Variants in MTDH observed in about 807,000 individuals in gnomAD.
The protein encoded by MTDH is protein LYRIC.
A neutral mutation model predicts 72.7 loss-of-function variants in MTDH; 34 were observed. That is an observed-to-expected ratio of 0.47 (90% CI 0.36 to 0.62). The LOEUF is 0.62. Among genes scored for constraint, MTDH ranks in the 20% least tolerant of loss-of-function variants. MTDH has a pLI of 0.00. For missense variants in MTDH, 677 were observed against 699.4 expected, an observed-to-expected ratio of 0.97 and a Z score of 0.36; for synonymous variants, 266 against 268.9, an observed-to-expected ratio of 0.99 and a Z score of 0.10.
At position 97,724,988 on chromosome 8, in the gene MTDH, G is replaced by GTAAA. The variant is rs1815298865; in HGVS notation, c.*318_*319insTAAA. On this transcript the variant is annotated 3_prime_UTR_variant, in exon 12 of 12. Transcript: ENST00000336273. ...CAACAGATTGTGCCCTATCTCATCT[G>GTAAA]CAGCCGAGGAATAAAGGATTCTGAT... 5.7e-6 allele frequency: 1 copy of GTAAA among 176,570 alleles called. No individual in the cohort carries two copies. The highest frequency in any genetic ancestry group is 1.2e-5 in the Non-Finnish European group (1 of 83,626). 10.9% of individuals were successfully genotyped at this position (176,570 alleles called of 1,614,324 possible).
In MTDH at chr8:97,691,285, A is replaced by T. The variant is rs1304514747; in HGVS notation, c.1048+97A>T. 3.6e-6 allele frequency: 3 copies of T among 834,488 alleles called. No homozygotes were observed. In the African/African-American group the frequency reaches 5.2e-5, roughly 14 times the overall value. 51.7% of individuals were successfully genotyped at this position (834,488 alleles called of 1,614,324 possible). A position where few individuals can be genotyped will look rare whatever the true frequency, so the allele number is the denominator to read the frequency against. The stretch of plus-strand genomic sequence containing the variant: ...AGAAAAAAAAACTATGAATAGAAAA[A>T]TAAGTACTGCTCTGCAGAAATAATA... On this transcript the variant is annotated intron_variant, in intron 6 of 11. Coordinates refer to ENST00000336273, the MANE Select transcript of MTDH (RefSeq NM_178812.4).
rs1223310222 is a variant in MTDH at position 97,687,416 on chromosome 8, G to C, written c.569-13G>C. On this transcript the variant is annotated splice_polypyrimidine_tract_variant and intron_variant, in intron 3 of 11. Coordinates refer to ENST00000336273, the MANE Select transcript of MTDH (RefSeq NM_178812.4). ...CCTTACTGAATAACATTTTTTTTCT[G>C]GGGCTATGTCAGGAGCCTGGGAAAC... The C allele has an allele frequency of 6.5e-7, 1 of 1,549,184 alleles. No homozygotes were observed. Among genetic ancestry groups the C allele is most frequent in the Non-Finnish European group, 8.7e-7 (1 of 1,148,372 alleles).
chr8:97,662,666 A>G (rs918531786), intron 2 of MTDH, among the ~76,000 whole-genome samples: 1 of 151,904 alleles, frequency 6.6e-6, no homozygotes, highest in Non-Finnish European at 1.5e-5. Context: ...CATGCCTGTA[A>G]TCCCAGCTAC....
chr8:97,655,882 T>C (rs2130922021), intron 1 of MTDH, among the ~76,000 whole-genome samples: 2 of 152,368 alleles, frequency 1.3e-5, no homozygotes, highest in Admixed American at 1.3e-4. Context: ...AATTCAAATG[T>C]AAATGTGTAA....
chr8:97,693,522 C>G (rs1813704875), intron 6 of MTDH, among the ~76,000 whole-genome samples: 1 of 152,028 alleles, frequency 6.6e-6, no homozygotes, highest in African/African-American at 2.4e-5. Flanking sequence ...TTAGTAGAGA[C>G]AGGCCATGTT....
At chr8:97,692,253 T>G (rs1359835521) in intron 6 of MTDH, among the ~76,000 whole-genome samples, 1 of 152,212 alleles carries the variant, frequency 6.6e-6, no homozygotes, top group Non-Finnish European at 1.5e-5. Context: ...TCTCCCCTAG[T>G]CCCCACTTAA....
intron 2 of MTDH, among the ~76,000 whole-genome samples, chr8:97,663,952 C>T (rs931442285): frequency 6.6e-6 from 1 of 152,138 alleles, no homozygotes; most frequent in African/African-American, 2.4e-5. Flanking sequence ...TTACTTTTTA[C>T]TGCCTTGTAT....
intron 1 of MTDH, among the ~76,000 whole-genome samples, chr8:97,658,887 T>C (rs1445075083): frequency 1.3e-5 from 2 of 152,160 alleles, no homozygotes; most frequent in East Asian, 3.8e-4. Context: ...CTCACACCTG[T>C]AATCCCAGCA....
At chr8:97,684,549 G>C (rs1270647783) in intron 2 of MTDH, among the ~76,000 whole-genome samples, 1 of 152,152 alleles carries the variant, frequency 6.6e-6, no homozygotes. Flanking sequence ...TTCTGTGGTT[G>C]CTCCAAAACC....
intron 1 of MTDH, among the ~76,000 whole-genome samples, chr8:97,651,146 A>G (rs1448373697): frequency 6.6e-6 from 1 of 152,198 alleles, no homozygotes. Context: ...CTCCTAGGGA[A>G]AGTGCAAAAT....
At chr8:97,686,351 G>A (rs1813361387) in intron 2 of MTDH, among the ~76,000 whole-genome samples, 1 of 152,132 alleles carries the variant, frequency 6.6e-6, no homozygotes, top group Non-Finnish European at 1.5e-5. Context: ...ACAATATGAT[G>A]TGGTAACAAT....
At chr8:97,687,347 T>C in intron 3 of MTDH, 82 bp from the exon 4 acceptor site, 2 of 1,184,282 alleles carry the variant, frequency 1.7e-6, no homozygotes, top group Non-Finnish European at 2.3e-6. Context: ...TTTTATGTGC[T>C]CCACCCCATA....
At chr8:97,670,069 CT>C (rs11367669) in intron 2 of MTDH, among the ~76,000 whole-genome samples, 14,210 of 152,208 alleles carry the variant, frequency 0.093, 924 homozygotes, top group East Asian at 0.24. Flanking sequence ...AGTCCCATCA[CT>C]TTAGGAGGCT....
At chr8:97,720,635 G>A (rs563236132) in intron 10 of MTDH, among the ~76,000 whole-genome samples, 1 of 144,722 alleles carries the variant, frequency 6.9e-6, no homozygotes, top group African/African-American at 2.6e-5. Flanking sequence ...AATAGCAAAG[G>A]GTCTATTTGA....
intron 10 of MTDH, among the ~76,000 whole-genome samples, chr8:97,720,474 G>A (rs1315704719): frequency 6.6e-6 from 1 of 151,508 alleles, no homozygotes; most frequent in Non-Finnish European, 1.5e-5. Context: ...CTACTCGGGA[G>A]ACTGAGTGGG....
intron 3 of MTDH, 109 bp from the exon 4 acceptor site, chr8:97,687,320 C>G (rs1392643797): frequency 5.6e-6 from 5 of 897,644 alleles, no homozygotes; most frequent in Non-Finnish European, 8.0e-6. Flanking sequence ...AGCTTAACAT[C>G]TAAATTTATC....
At chr8:97,665,840 G>A (rs1051819886) in intron 2 of MTDH, among the ~76,000 whole-genome samples, 1 of 152,118 alleles carries the variant, frequency 6.6e-6, no homozygotes, top group Non-Finnish European at 1.5e-5. Flanking sequence ...TGATTGTAAA[G>A]ATCTGGCCGG....
Position 97,727,794 on chromosome 8 carries a change from G to A in MTDH, c.*3124G>A, listed in dbSNP as rs183844881. Reference sequence around the variant, plus strand: ...AAAATTCTTCCCTACTCTGAGGCAGGGTGTAGTGGTTTAGGGGTTTCTCCA... The same window carrying A: ...AAAATTCTTCCCTACTCTGAGGCAGAGTGTAGTGGTTTAGGGGTTTCTCCA... On this transcript the variant is annotated 3_prime_UTR_variant, in exon 12 of 12. Transcript: ENST00000336273. The A allele has an allele frequency of 5.3e-5, 8 of 152,182 alleles. No homozygotes were observed. Among genetic ancestry groups the A allele is most frequent in the East Asian group, 3.9e-4 (2 of 5,192 alleles). 9.4% of individuals were successfully genotyped at this position (152,182 alleles called of 1,614,324 possible).
chr8:97,692,688 A>C (rs570495926), intron 6 of MTDH, among the ~76,000 whole-genome samples: 3 of 151,662 alleles, frequency 2.0e-5, no homozygotes, highest in East Asian at 3.9e-4. Flanking sequence ...CCTTTTTTTA[A>C]CCATTGTAGA....
Sources: allele counts gnomAD v4.1 joint callset (sites outside exome capture counted in the v4.1 genomes callset), GRCh38; gene constraint gnomAD v4.1.1; transcripts MANE v1.5; gene names NCBI Gene and HGNC (gene_info 2026-07-23, HGNC 2026-07-21).